Variants in FGGY observed in about 807,000 individuals in gnomAD.
FGGY encodes the protein FGGY carbohydrate kinase domain containing.
FGGY carries 72 observed loss-of-function variants against 71.3 expected under a neutral mutation model. The ratio of observed to expected loss-of-function variants is 1.01; its 90% CI spans 0.84 to 1.23. The LOEUF is 1.23. FGGY is among the 50% of genes most tolerant of loss of function. The pLI, the probability that FGGY is intolerant of heterozygous loss-of-function variation, is 0.00. For synonymous variants in FGGY, 251 were observed against 250.3 expected, an observed-to-expected ratio of 1.00 and a Z score of -0.02; for missense variants, 668 against 682.3, an observed-to-expected ratio of 0.98 and a Z score of 0.23.
At chr1:59,392,968 A>T (rs953033793) in intron 5 of FGGY, among the ~76,000 whole-genome samples, 6 of 152,216 alleles carry the variant, frequency 3.9e-5, no homozygotes, top group African/African-American at 1.4e-4. Flanking sequence ...CCCAGATATT[A>T]TTCTTTTCAA....
chr1:59,743,862 C>G (rs1001099312), intron 14 of FGGY, among the ~76,000 whole-genome samples: 3 of 152,224 alleles, frequency 2.0e-5, no homozygotes, highest in African/African-American at 7.2e-5. Context: ...CATCTTCCTT[C>G]CCTTCATTAA....
At chr1:59,517,254 C>CTTTT (rs57951011) in intron 7 of FGGY, among the ~76,000 whole-genome samples, 10 of 87,626 alleles carry the variant, frequency 1.1e-4, no homozygotes, top group Non-Finnish European at 1.6e-4. Context: ...CTCAGTTGCT[C>CTTTT]TTTTTTTTTT....
chr1:59,577,345 T>A (rs957170902), intron 8 of FGGY, among the ~76,000 whole-genome samples: 3 of 152,222 alleles, frequency 2.0e-5, no homozygotes, highest in Admixed American at 6.5e-5. Context: ...TGCATTTTCT[T>A]CTTAAAGTTG....
chr1:59,353,305 T>G (rs1425430740), intron 4 of FGGY, among the ~76,000 whole-genome samples: 4 of 152,226 alleles, frequency 2.6e-5, no homozygotes, highest in African/African-American at 9.6e-5. Context: ...TTGTTTCTAC[T>G]GATGGGCATT....
At chr1:59,571,924 AG>A (rs1262934665) in intron 8 of FGGY, among the ~76,000 whole-genome samples, 1 of 152,190 alleles carries the variant, frequency 6.6e-6, no homozygotes, top group Non-Finnish European at 1.5e-5. Context: ...TGCCTACAAA[AG>A]CACTAAGCTT....
At chr1:59,651,135 T>A (rs2097155247) in intron 11 of FGGY, among the ~76,000 whole-genome samples, 2 of 151,438 alleles carry the variant, frequency 1.3e-5, no homozygotes, top group African/African-American at 4.9e-5. Flanking sequence ...ATAATTTCTG[T>A]TCTTTTACAT....
At chr1:59,341,454 GA>G (rs1242733153) in intron 3 of FGGY, among the ~76,000 whole-genome samples, 3 of 152,156 alleles carry the variant, frequency 2.0e-5, no homozygotes, top group African/African-American at 7.2e-5. Context: ...GCTGAAAATG[GA>G]TGCAAATAGA....
At chr1:59,577,810 C>T (rs11809883) in intron 8 of FGGY, among the ~76,000 whole-genome samples, 26,449 of 152,038 alleles carry the variant, frequency 0.17, 2,888 homozygotes, top group South Asian at 0.33. Context: ...TGACTTGGAA[C>T]TCTCTGCTCA....
At chr1:59,528,249 T>G (rs2095046358) in intron 7 of FGGY, among the ~76,000 whole-genome samples, 1 of 152,236 alleles carries the variant, frequency 6.6e-6, no homozygotes, top group African/African-American at 2.4e-5. Flanking sequence ...ATAAAGAGTT[T>G]TTCCAATGTG....
chr1:59,366,327 T>C (rs1269226911), intron 4 of FGGY, among the ~76,000 whole-genome samples: 1 of 152,216 alleles, frequency 6.6e-6, no homozygotes, highest in Non-Finnish European at 1.5e-5. Context: ...TAATGCGTCT[T>C]GTCTATTCAG....
At chr1:59,495,517 A>G (rs1238869044) in intron 6 of FGGY, among the ~76,000 whole-genome samples, 1 of 151,042 alleles carries the variant, frequency 6.6e-6, no homozygotes, top group African/African-American at 2.4e-5. Flanking sequence ...TATATGGAGT[A>G]TTGATTTTAT....
chr1:59,657,786 C>G (rs1168384121), intron 11 of FGGY, among the ~76,000 whole-genome samples: 1 of 152,190 alleles, frequency 6.6e-6, no homozygotes, highest in East Asian at 1.9e-4. Flanking sequence ...TCCTTTTACC[C>G]TATTCTCATA....
chr1:59,657,014 G>C (rs2097224535), intron 11 of FGGY, among the ~76,000 whole-genome samples: 1 of 152,152 alleles, frequency 6.6e-6, no homozygotes, highest in East Asian at 1.9e-4. Flanking sequence ...ATATCTTTTT[G>C]CATGAATACC....
intron 2 of FGGY, among the ~76,000 whole-genome samples, chr1:59,324,466 C>T (rs1449247653): frequency 2.7e-5 from 4 of 150,718 alleles, no homozygotes; most frequent in South Asian, 2.1e-4. Context: ...TTAGTAGAGA[C>T]GGGGTTTCAC....
chr1:59,479,987 T>G (rs2093411157), intron 6 of FGGY, among the ~76,000 whole-genome samples: 1 of 152,206 alleles, frequency 6.6e-6, no homozygotes, highest in South Asian at 2.1e-4. Flanking sequence ...CTGTCAGTCT[T>G]AGGCTCCAAA....
At chr1:59,439,571 T>A (rs1009395604) in intron 5 of FGGY, among the ~76,000 whole-genome samples, 3 of 152,314 alleles carry the variant, frequency 2.0e-5, no homozygotes, top group African/African-American at 7.2e-5. Flanking sequence ...GACTGTCATC[T>A]TTTCCCATTC....
intron 2 of FGGY, among the ~76,000 whole-genome samples, chr1:59,338,893 A>G (rs537236651): frequency 6.2e-4 from 95 of 152,324 alleles, no homozygotes; most frequent in African/African-American, 2.3e-3. Context: ...ATATTGTTAG[A>G]ATAATCTCCA....
intron 12 of FGGY, among the ~76,000 whole-genome samples, chr1:59,661,657 T>C (rs1414575281): frequency 1.3e-5 from 2 of 152,158 alleles, no homozygotes; most frequent in Admixed American, 1.3e-4. Context: ...ATAATAATGA[T>C]GATTATGATG....
intron 5 of FGGY, among the ~76,000 whole-genome samples, chr1:59,416,653 G>T (rs1413954477): frequency 1.3e-5 from 2 of 152,202 alleles, no homozygotes; most frequent in Non-Finnish European, 2.9e-5. Context: ...CATGCTAGCT[G>T]CCTCATGGTT....
Sources: allele counts gnomAD v4.1 joint callset (sites outside exome capture counted in the v4.1 genomes callset), GRCh38; gene constraint gnomAD v4.1.1; transcripts MANE v1.5; gene names NCBI Gene and HGNC (gene_info 2026-07-23, HGNC 2026-07-21).